Variants in ROCK1 observed in about 807,000 individuals in gnomAD.
ROCK1 encodes the protein Rho associated coiled-coil containing protein kinase 1, also known as rho-associated protein kinase 1.
ROCK1 carries 36 observed loss-of-function variants against 196.8 expected under a neutral mutation model. The ratio of observed to expected loss-of-function variants is 0.18; its 90% CI spans 0.14 to 0.24. ROCK1 has a LOEUF of 0.24. ROCK1 is among the 10% of genes least tolerant of loss of function. ROCK1 has a pLI of 1.00. For missense variants in ROCK1, 920 were observed against 1,562.0 expected (o/e 0.59, Z 6.93); for synonymous variants, 443 against 515.9 (o/e 0.86, Z 1.91).
rs1016961001 is a variant in ROCK1, at chr18:20,949,483, T to C, written c.*1901A>G. ...GTGCTGAGCACACAGTGGGTTTGCA[T>C]CATAGGTGGGAGACGTTATCTTTAT... On this transcript the variant is annotated 3_prime_UTR_variant, in exon 33 of 33. Coordinates refer to ENST00000399799, the MANE Select transcript of ROCK1 (RefSeq NM_005406.3). 3 of 152,430 alleles carry C rather than the reference T, an allele frequency of 2.0e-5. No homozygotes were observed. Among genetic ancestry groups the C allele is most frequent in the East Asian group, 3.8e-4 (2 of 5,196 alleles). 9.4% of individuals were successfully genotyped at this position (152,430 alleles called of 1,614,324 possible). A position where few individuals can be genotyped will look rare whatever the true frequency, so the allele number is the denominator to read the frequency against.
At chr18:21,058,235 ATATTT>A (rs2036260621) in intron 2 of ROCK1, among the ~76,000 whole-genome samples, 1 of 152,182 alleles carries the variant, frequency 6.6e-6, no homozygotes, top group Non-Finnish European at 1.5e-5. Flanking sequence ...CATTTTCTAT[ATATTT>A]TAAGTTTTTT....
intron 1 of ROCK1, among the ~76,000 whole-genome samples, chr18:21,110,137 T>C (rs1355894595): frequency 6.6e-6 from 1 of 152,156 alleles, no homozygotes; most frequent in Non-Finnish European, 1.5e-5. Context: ...CTTTAGAATG[T>C]TTTACAAGTG....
chr18:21,009,462 C>T lies in ROCK1; in HGVS notation c.1411-1268G>A, dbSNP rs577195223. On this transcript the variant is annotated intron_variant, in intron 13 of 32. Coordinates refer to ENST00000399799, the MANE Select transcript of ROCK1 (RefSeq NM_005406.3). ...GTTCAACCATTCACCTACTGTAGGA[C>T]ATTTTGATTGTTTTCAGTTTTTGGC... is the stretch of plus-strand genomic sequence containing the variant. Among the ~76,000 whole-genome samples the T allele has an allele frequency of 2.6e-5, 4 of 152,116 alleles. No homozygotes were observed. In the East Asian group the frequency reaches 7.7e-4, roughly 29 times the overall value.
At chr18:20,963,140 C>T (rs2035342703) in intron 27 of ROCK1, among the ~76,000 whole-genome samples, 1 of 151,830 alleles carries the variant, frequency 6.6e-6, no homozygotes, top group Non-Finnish European at 1.5e-5. Context: ...TACATATGTA[C>T]AAAAACAACT....
chr18:21,044,266 G>A, intron 5 of ROCK1, 80 bp from the exon 6 acceptor site: 1 of 998,360 alleles, frequency 1.0e-6, no homozygotes, highest in South Asian at 1.4e-5. Flanking sequence ...GTTATTTTAG[G>A]TCAAGCATCC....
chr18:21,044,415 T>G (rs1247370020), intron 5 of ROCK1, among the ~76,000 whole-genome samples: 1 of 152,176 alleles, frequency 6.6e-6, no homozygotes, highest in East Asian at 1.9e-4. Context: ...GTTTCATTCT[T>G]TCAGAGGGAA....
chr18:21,092,737 C>T (rs1204404837), intron 1 of ROCK1, among the ~76,000 whole-genome samples: 8 of 152,064 alleles, frequency 5.3e-5, no homozygotes, highest in Non-Finnish European at 1.2e-4. Context: ...CTTCAATTCT[C>T]ATATGGTGGA....
At chr18:21,022,052 T>C (rs998664499) in intron 11 of ROCK1, among the ~76,000 whole-genome samples, 2 of 150,982 alleles carry the variant, frequency 1.3e-5, no homozygotes, top group Non-Finnish European at 2.9e-5. Context: ...AGAGTCAATA[T>C]ATCAAGGAGA....
chr18:21,048,029 A>G (rs1463312473), intron 4 of ROCK1, among the ~76,000 whole-genome samples: 2 of 152,194 alleles, frequency 1.3e-5, no homozygotes, highest in Non-Finnish European at 2.9e-5. Context: ...GAACTCATAA[A>G]AGCAGAGAGA....
chr18:20,973,158 C>T (rs1180525372), intron 22 of ROCK1, among the ~76,000 whole-genome samples: 5 of 152,172 alleles, frequency 3.3e-5, no homozygotes, highest in Non-Finnish European at 7.3e-5. Context: ...GGATTACAGG[C>T]GTGAGCCACC....
At position 20,960,133 on chromosome 18, in the gene ROCK1, T is replaced by G; in HGVS notation, c.3423+3A>C. ...AGTTAGAAAATAATTAGGTATATGG[T>G]ACCTGTTTCTTCCAGCCATATCGTT... On this transcript the variant is annotated splice_donor_region_variant and intron_variant, in intron 28 of 32. Transcript: ENST00000399799. The G allele has an allele frequency of 6.4e-7, 1 of 1,568,152 alleles. No individual in the cohort carries two copies. The highest frequency in any genetic ancestry group is 8.8e-7 in the Non-Finnish European group (1 of 1,138,440).
intron 4 of ROCK1, among the ~76,000 whole-genome samples, chr18:21,048,096 G>C (rs1215531928): frequency 6.6e-6 from 1 of 152,024 alleles, no homozygotes. Flanking sequence ...TTTGCCTAAG[G>C]TACCTCCACA....
At chr18:20,987,219 TG>T in intron 18 of ROCK1, 109 bp from the exon 19 acceptor site, 1 of 931,224 alleles carries the variant, frequency 1.1e-6, no homozygotes, top group South Asian at 1.6e-5. Flanking sequence ...GTTTTTATTC[TG>T]GGACTTGAAT....
rs369136171 is a variant in ROCK1 at position 21,086,271 on chromosome 18, C to G, written c.94-15658G>C. 3.7e-4 allele frequency among the ~76,000 whole-genome samples: 57 copies of G among 152,084 alleles called. No homozygotes were observed. The East Asian group carries it at 0.011, about 29-fold the overall frequency. Reference sequence around the variant, plus strand: ...GGATTACAGGCATGCACCACCACACCTGGCTAATTTTTGTATTTTTAGTAG... The same window carrying G: ...GGATTACAGGCATGCACCACCACACGTGGCTAATTTTTGTATTTTTAGTAG... On this transcript the variant is annotated intron_variant, in intron 1 of 32. Coordinates refer to ENST00000399799, the MANE Select transcript of ROCK1 (RefSeq NM_005406.3).
At position 21,085,343 on chromosome 18, in the gene ROCK1, CAA is replaced by C. The variant is rs369750551; in HGVS notation, c.94-14732_94-14731del. On this transcript the variant is annotated intron_variant, in intron 1 of 32. Coordinates refer to ENST00000399799, the MANE Select transcript of ROCK1 (RefSeq NM_005406.3). ...CAGAGCAGCTTGGACAACCCCATTT[CAA>C]AAAAAAAAAAAAGGCAAATTTCATG... 5.3e-4 allele frequency among the ~76,000 whole-genome samples: 41 copies of C among 78,022 alleles called. 1 individual carries two copies. Among genetic ancestry groups the C allele is most frequent in the South Asian group, 2.5e-3 (4 of 1,598 alleles). The allele number at this position is 78,022 out of a possible 152,430, so 51.2% of individuals were successfully genotyped here. A position where few individuals can be genotyped will look rare whatever the true frequency, so the allele number is the denominator to read the frequency against.
intron 7 of ROCK1, 134 bp downstream of exon 7, chr18:21,042,431 C>T (rs187950091): frequency 1.8e-6 from 2 of 1,086,690 alleles, no homozygotes; most frequent in East Asian, 2.6e-5. Context: ...ACATACGAAG[C>T]AGGTTTGGAT....
At chr18:21,080,399 A>G (rs191249669) in intron 1 of ROCK1, among the ~76,000 whole-genome samples, 189 of 152,280 alleles carry the variant, frequency 1.2e-3, no homozygotes, top group African/African-American at 4.3e-3. Context: ...GAACTAAAGG[A>G]AACTAGGAAA....
At position 21,042,257 on chromosome 18, in the gene ROCK1, CA is replaced by C. The variant is rs763794837; in HGVS notation, c.821-23del. On this transcript the variant is annotated intron_variant, in intron 7 of 32. Coordinates refer to ENST00000399799, the MANE Select transcript of ROCK1 (RefSeq NM_005406.3). ...TCACCTGAAAAATTGATAAAGAAAA[CA>C]AAAGCAAAATGAAATACATTTTTAA... 3.2e-6 allele frequency: 5 copies of C among 1,541,258 alleles called. No homozygotes were observed. The East Asian group carries it at 9.2e-5, about 28-fold the overall frequency.
At chr18:20,973,434 T>C (rs1398412416) in intron 22 of ROCK1, among the ~76,000 whole-genome samples, 2 of 151,836 alleles carry the variant, frequency 1.3e-5, no homozygotes, top group East Asian at 2.0e-4. Flanking sequence ...TGTGCCACCA[T>C]GCCCGGCTAA....
Sources: allele counts gnomAD v4.1 joint callset (sites outside exome capture counted in the v4.1 genomes callset), GRCh38; gene constraint gnomAD v4.1.1; transcripts MANE v1.5; gene names NCBI Gene and HGNC (gene_info 2026-07-23, HGNC 2026-07-21).